DNA2: variants seen among roughly 807,000 people sequenced by gnomAD.
The protein encoded by DNA2 is DNA replication ATP-dependent helicase/nuclease DNA2.
A neutral mutation model predicts 119.1 loss-of-function variants in DNA2; 101 were observed. The ratio of observed to expected loss-of-function variants is 0.85; its 90% CI spans 0.72 to 1.00. The LOEUF is 1.00. Among genes scored for constraint, DNA2 ranks in the 50% least tolerant of loss-of-function variants. DNA2 has a pLI of 0.00. For synonymous variants in DNA2, 366 were observed against 424.4 expected (o/e 0.86, Z 1.69); for missense variants, 1,121 against 1,255.5 (o/e 0.89, Z 1.62).
At chr10:68,458,377 C>CA (rs2052212334) in intron 5 of DNA2, among the ~76,000 whole-genome samples, 1 of 151,630 alleles carries the variant, frequency 6.6e-6, no homozygotes, top group African/African-American at 2.4e-5. Context: ...ACTAAAAATA[C>CA]AAAAAATTAG....
intron 14 of DNA2, among the ~76,000 whole-genome samples, chr10:68,428,055 C>T (rs2051766516): frequency 6.6e-6 from 1 of 150,546 alleles, no homozygotes; most frequent in African/African-American, 2.4e-5. Flanking sequence ...AAGCCCGGCA[C>T]AGTGGCTCAC....
chr10:68,468,340 T>C, intron 2 of DNA2, 34 bp from the exon 3 acceptor site: 3 of 1,392,118 alleles, frequency 2.2e-6, no homozygotes, highest in Non-Finnish European at 2.8e-6. Flanking sequence ...TATAAATACA[T>C]AGCTTAGGTT....
chr10:68,457,038 G>A (rs929045326), intron 5 of DNA2, among the ~76,000 whole-genome samples: 5 of 151,726 alleles, frequency 3.3e-5, no homozygotes, highest in Non-Finnish European at 5.9e-5. Flanking sequence ...GGAGGCTGAG[G>A]CAGGAGAATG....
chr10:68,440,151 A>G (rs995140941), intron 9 of DNA2, among the ~76,000 whole-genome samples: 5 of 151,670 alleles, frequency 3.3e-5, no homozygotes, highest in African/African-American at 1.2e-4. Context: ...TAAAAATACA[A>G]AAATTAGCTG....
At chr10:68,446,638 A>G (rs1434293939) in intron 6 of DNA2, among the ~76,000 whole-genome samples, 1 of 152,210 alleles carries the variant, frequency 6.6e-6, no homozygotes, top group Non-Finnish European at 1.5e-5. Flanking sequence ...ACACTTTGGG[A>G]GGCCAAGGCA....
chr10:68,424,622 C>T, intron 14 of DNA2: 1 of 1,517,438 alleles, frequency 6.6e-7, no homozygotes, highest in Middle Eastern at 1.7e-4. Context: ...ACTTCCATGC[C>T]CCCTTGCACG....
At chr10:68,468,540 TC>T (rs2052352114) in intron 2 of DNA2, among the ~76,000 whole-genome samples, 1 of 151,928 alleles carries the variant, frequency 6.6e-6, no homozygotes, top group African/African-American at 2.4e-5. Flanking sequence ...TACTCAAGGG[TC>T]TTCTATAAAT....
At chr10:68,449,924 A>C in intron 6 of DNA2, 104 bp downstream of exon 6, 1 of 817,556 alleles carries the variant, frequency 1.2e-6, no homozygotes, top group Non-Finnish European at 1.9e-6. Context: ...CAGTGAGCCA[A>C]GACCACGCCA....
intron 5 of DNA2, among the ~76,000 whole-genome samples, chr10:68,451,096 T>TA (rs754298528): frequency 0.1 from 10,228 of 98,674 alleles, 580 homozygotes; most frequent in Middle Eastern, 0.16. Context: ...CAAGACTGTC[T>TA]AAAAAAAAAA....
upstream of DNA2, chr10:68,472,100 C>G (rs774989035): frequency 1.3e-6 from 2 of 1,534,682 alleles, no homozygotes; most frequent in South Asian, 2.4e-5. Context: ...TTGCTTAGGA[C>G]TGGGAATACA....
At chr10:68,458,832 A>G (rs2133430529) in intron 5 of DNA2, among the ~76,000 whole-genome samples, 1 of 152,310 alleles carries the variant, frequency 6.6e-6, no homozygotes, top group Middle Eastern at 3.4e-3. Flanking sequence ...CCTGTGCGAC[A>G]GAGCAAAACT....
intron 9 of DNA2, among the ~76,000 whole-genome samples, chr10:68,440,038 T>C (rs1223067637): frequency 6.6e-6 from 1 of 151,726 alleles, no homozygotes; most frequent in Non-Finnish European, 1.5e-5. Context: ...GTGCAGTGGC[T>C]CACACCTATA....
In DNA2 at chr10:68,432,118, G is replaced by A. The variant is rs530713841; in HGVS notation, c.1873+88C>T. ...GAGTCTTGGTCTAAACATTGTAGTT[G>A]CAAGTCTAATCAAGATATTAGACTA... is the stretch of plus-strand genomic sequence containing the variant. On this transcript the variant is annotated intron_variant, in intron 12 of 20. Coordinates refer to ENST00000358410, the MANE Select transcript of DNA2 (RefSeq NM_001080449.3). The A allele has an allele frequency of 3.5e-6, 4 of 1,129,218 alleles. No homozygotes were observed. The Admixed American group carries it at 6.7e-5, about 19-fold the overall frequency. The allele number at this position is 1,129,218 out of a possible 1,614,324, so 69.9% of individuals were successfully genotyped here.
At chr10:68,431,469 G>A (rs2051820472) in intron 13 of DNA2, among the ~76,000 whole-genome samples, 1 of 152,100 alleles carries the variant, frequency 6.6e-6, no homozygotes, top group Non-Finnish European at 1.5e-5. Context: ...ATTTTTAGTA[G>A]AGAGGGGGTT....
At position 68,461,828 on chromosome 10, in the gene DNA2, CAA is replaced by C. The variant is rs554059657; in HGVS notation, c.588-2595_588-2594del. Among the ~76,000 whole-genome samples the C allele has an allele frequency of 2.4e-4, 17 of 70,290 alleles. No individual in the cohort carries two copies. In the South Asian group the frequency reaches 4.3e-3, roughly 18 times the overall value. The allele number at this position is 70,290 out of a possible 152,430, so 46.1% of individuals were successfully genotyped here. ...GGGAAACAAGAGTGAAACTCCGTCT[CAA>C]AAAAAAAAAAAAAAAAAAAAAATAG... On this transcript the variant is annotated intron_variant, in intron 4 of 20. Coordinates refer to ENST00000358410, the MANE Select transcript of DNA2 (RefSeq NM_001080449.3).
intron 5 of DNA2, among the ~76,000 whole-genome samples, chr10:68,451,759 CT>C (rs988943850): frequency 2.2e-3 from 318 of 142,334 alleles, no homozygotes; most frequent in African/African-American, 3.8e-3. Flanking sequence ...CTATTTCTTC[CT>C]TTTTTTTTTT....
rs1388731978 is a variant in DNA2, at chr10:68,437,231, C to G, written c.1426G>C (p.Gly476Arg). Residue 476 changes from glycine (G) to arginine (R), a missense_variant, in exon 10 of 21, where the codon GGC becomes CGC. Coordinates refer to ENST00000358410, the MANE Select transcript of DNA2 (RefSeq NM_001080449.3). Reference sequence around the variant, plus strand: ...CTAATCAGGTTTCCAATGCAACTGCCACTCTTCTCCCTATGAAAAGACCAA... The same window carrying G: ...CTAATCAGGTTTCCAATGCAACTGCGACTCTTCTCCCTATGAAAAGACCAA... ...LMPASEMEKS[G>R]SCIGNLIRME... The G allele has an allele frequency of 1.5e-5, 24 of 1,602,856 alleles. No homozygotes were observed. Among genetic ancestry groups the G allele is most frequent in the Non-Finnish European group, 2.0e-5 (24 of 1,171,786 alleles).
rs774025815 is a variant in DNA2 at position 68,416,830 on chromosome 10, C to T, written c.2993G>A (p.Arg998Gln). The change falls in exon 20 of 21, where the codon CGA becomes CAA. Residue 998 changes from arginine to glutamine, a missense_variant. By Grantham distance (43) the Arg-to-Gln change is conservative. Coordinates refer to ENST00000358410, the MANE Select transcript of DNA2 (RefSeq NM_001080449.3). ...TCTGGTTATAGCAACATTAAGACGTCGCCAATCTTTCAAGAGTTCACCAAC... is the reference window on the plus strand; with the variant it reads ...TCTGGTTATAGCAACATTAAGACGTTGCCAATCTTTCAAGAGTTCACCAAC... ...GTVGELLKDWRRLNVAITRAK... is the reference protein window; with the variant it reads ...GTVGELLKDWQRLNVAITRAK... 2.2e-5 allele frequency: 35 copies of T among 1,609,026 alleles called. No homozygotes were observed. Among genetic ancestry groups the T allele is most frequent in the Admixed American group, 8.5e-5 (5 of 58,672 alleles).
At chr10:68,456,960 C>T (rs2052191298) in intron 5 of DNA2, among the ~76,000 whole-genome samples, 1 of 151,642 alleles carries the variant, frequency 6.6e-6, no homozygotes, top group Non-Finnish European at 1.5e-5. Context: ...CGGTGAAACC[C>T]CGGCTCTACT....
Sources: allele counts gnomAD v4.1 joint callset (sites outside exome capture counted in the v4.1 genomes callset), GRCh38; gene constraint gnomAD v4.1.1; transcripts MANE v1.5; gene names NCBI Gene and HGNC (gene_info 2026-07-23, HGNC 2026-07-21).